The following PRKAG3 variants were observed in gnomAD, a reference collection of about 807,000 sequenced individuals.
PRKAG3 encodes 5'-AMP-activated protein kinase subunit gamma-3.
A neutral mutation model predicts 56.5 loss-of-function variants in PRKAG3; 39 were observed. The ratio of observed to expected loss-of-function variants is 0.69; its 90% CI spans 0.53 to 0.90. The LOEUF (loss-of-function observed/expected upper bound fraction) is 0.90, where lower values mean the gene tolerates loss of function less well. PRKAG3 is among the 40% of genes least tolerant of loss of function. The pLI is 0.00. For synonymous variants in PRKAG3, 243 were observed against 250.1 expected (o/e 0.97, Z 0.27); for missense variants, 628 against 627.5 (o/e 1.00, Z -0.01).
chr2:218,826,019 A>G (rs1439608601), intron 10 of PRKAG3, among the ~76,000 whole-genome samples: 1 of 152,120 alleles, frequency 6.6e-6, no homozygotes, highest in Non-Finnish European at 1.5e-5. Flanking sequence ...TTGGCCTCCC[A>G]AAGTGCTGGG....
chr2:218,825,527 A>G (rs1943919606), intron 10 of PRKAG3, among the ~76,000 whole-genome samples: 1 of 151,700 alleles, frequency 6.6e-6, no homozygotes, highest in East Asian at 1.9e-4. Context: ...ATTTGCCTGT[A>G]ATCCCAGCTA....
In PRKAG3 at chr2:218,827,198, GATCACCTGCCCAGGTCTCCC is replaced by G. The variant is rs773366295; in HGVS notation, c.1002+29_1002+48del. On this transcript the variant is annotated intron_variant, in intron 9 of 12. Coordinates refer to ENST00000529249, the Ensembl canonical transcript of PRKAG3. This position sits in a 1 kb window ranked among gnomAD's most constrained non-coding sequence, Gnocchi z 5.3. ...GGGCTGAAGACTCCTCAGGCCCTCT[GATCACCTGCCCAGGTCTCCC>G]CCTTCCTCCCACCTGGGCCCAGGCT... is the stretch of plus-strand genomic sequence containing the variant. 44 of 1,613,782 alleles carry G rather than the reference GATCACCTGCCCAGGTCTCCC, an allele frequency of 2.7e-5. No individual in the cohort carries two copies. Among genetic ancestry groups the G allele is most frequent in the South Asian group, 9.9e-5 (9 of 90,988 alleles).
exon 4 of PRKAG3, chr2:218,830,236 AGCTGAG>A (rs753389534): frequency 7.4e-6 from 12 of 1,613,926 alleles, no homozygotes; most frequent in Non-Finnish European, 1.0e-5. Context: ...TGGAGCCTGC[AGCTGAG>A]GCTGTACAGT....
At chr2:218,828,393 C>G (rs1000958374) in intron 5 of PRKAG3, 126 bp downstream of exon 5, 1 of 1,052,456 alleles carries the variant, frequency 9.5e-7, no homozygotes, top group Admixed American at 2.6e-5. Context: ...TTCCTCCACC[C>G]TGGCCCCTGG....
chr2:218,829,993 G>A lies in PRKAG3; in HGVS notation c.618C>T (p.Phe206=), dbSNP rs74519931. 1,055 of 1,613,598 alleles carry A rather than the reference G, an allele frequency of 6.5e-4. 3 individuals carry two copies. The African/African-American group carries it at 0.012, about 18-fold the overall frequency. ...GTGGCCTCACCTCCAGCATGGTGTC[G>A]AAGATGACTAGCTTGGAGCTAGTTG... is the stretch of plus-strand genomic sequence containing the variant. Residue 206 remains phenylalanine, a synonymous_variant, in exon 4 of 13, where the codon TTC becomes TTT. Transcript: ENST00000529249.
chr2:218,831,760 C>G lies in PRKAG3; in HGVS notation c.11G>C (p.Gly4Ala), dbSNP rs892871232. ...TACCCTGCGCAGTGCGTGCTCCAGC[C>G]CGGGCTCCATGTGGCCAGCCCCAGA... The change falls in exon 1 of 13, where the codon GGG becomes GCG. Residue 4 changes from glycine (G) to alanine (A), a missense_variant. Physicochemically the swap from Gly to Ala is moderately conservative, Grantham distance 60. Coordinates refer to ENST00000529249, the Ensembl canonical transcript of PRKAG3. 1.9e-6 allele frequency: 3 copies of G among 1,610,488 alleles called. No individual in the cohort carries two copies. The highest frequency in any genetic ancestry group is 2.7e-5 in the African/African-American group (2 of 74,932).
intron 2 of PRKAG3, 36 bp downstream of exon 2, chr2:218,831,300 A>T: frequency 6.6e-7 from 1 of 1,515,476 alleles, no homozygotes; most frequent in Non-Finnish European, 8.9e-7. Context: ...AGGTGGGGGA[A>T]GAGGTTAGGC....
At chr2:218,828,399 C>T (rs1943969102) in intron 5 of PRKAG3, 120 bp downstream of exon 5, 8 of 1,120,020 alleles carry the variant, frequency 7.1e-6, no homozygotes, top group Non-Finnish European at 1.0e-5. Context: ...CACCCTGGCC[C>T]CTGGCTGGGC....
chr2:218,824,543 A>G lies in PRKAG3; in HGVS notation c.1202T>C (p.Val401Ala), dbSNP rs771515558. Residue 401 changes from valine (V) to alanine (A), a missense_variant, in exon 11 of 13, where the codon GTG (valine) becomes GCG (alanine). Val to Ala is a moderately conservative substitution (Grantham distance 64). Coordinates refer to ENST00000529249, the Ensembl canonical transcript of PRKAG3. ...CACCTTTCCAGCGACACTTACAATCACATCAAAGCGGGAATAGAGGCCCAC... is the reference window on the plus strand; with the variant it reads ...CACCTTTCCAGCGACACTTACAATCGCATCAAAGCGGGAATAGAGGCCCAC... 2 of 1,612,594 alleles carry G rather than the reference A, an allele frequency of 1.2e-6. No homozygotes were observed. Among genetic ancestry groups the G allele is most frequent in the Non-Finnish European group, 1.7e-6 (2 of 1,178,792 alleles).
chr2:218,828,364 T>C (rs1485614948), intron 5 of PRKAG3, among the ~76,000 whole-genome samples, 155 bp downstream of exon 5: 2 of 152,088 alleles, frequency 1.3e-5, no homozygotes, highest in Non-Finnish European at 2.9e-5. Context: ...CAGCTGGCCA[T>C]GCAGACTCCG....
At position 218,827,095 on chromosome 2, in the gene PRKAG3, T is replaced by C. The variant is rs1333994513; in HGVS notation, c.1003-2A>G. ...GGAGGGCCGGGGCAGCAGGGAACCC[T>C]GGTTAGGATGGGGACCAGGTGGAGA... is the stretch of plus-strand genomic sequence containing the variant. On this transcript the variant is annotated splice_acceptor_variant, in intron 9 of 12. Coordinates refer to ENST00000529249, the Ensembl canonical transcript of PRKAG3. LOFTEE classifies it high-confidence loss of function. The surrounding 1 kb of genome is among the most constrained non-coding windows in gnomAD (Gnocchi z 5.3). 3 of 1,612,916 alleles carry C rather than the reference T, an allele frequency of 1.9e-6. No individual in the cohort carries two copies. Among genetic ancestry groups the C allele is most frequent in the Non-Finnish European group, 1.7e-6 (2 of 1,180,022 alleles).
exon 6 of PRKAG3, chr2:218,828,012 A>G (rs1178851863): frequency 6.4e-7 from 1 of 1,571,674 alleles, no homozygotes; most frequent in Non-Finnish European, 8.6e-7. Context: ...ACCAGGGGGG[A>G]CCTGTAGTAG....
Position 218,827,373 on chromosome 2 carries a change from G to C in PRKAG3, c.876C>G (p.Ser292Arg). ...TGAGGGTGTAGACAGCTTCAAACAG[G>C]CTGCAGAGATGGGAGCAGTGAGCCT... Residue 292 changes from serine (S) to arginine (R), a missense_variant and splice_region_variant, in exon 9 of 13, where the codon AGC (serine) becomes AGG (arginine). Coordinates refer to ENST00000529249, the Ensembl canonical transcript of PRKAG3. This position sits in a 1 kb window ranked among gnomAD's most constrained non-coding sequence, Gnocchi z 5.3. The C allele has an allele frequency of 6.2e-7, 1 of 1,614,106 alleles. No homozygotes were observed. Among genetic ancestry groups the C allele is most frequent in the Non-Finnish European group, 8.5e-7 (1 of 1,180,000 alleles).
rs1280466527 is a variant in PRKAG3, at chr2:218,831,472, TACACACGCTCAG to T, written c.34-109_34-98del. 4 of 1,177,322 alleles carry T rather than the reference TACACACGCTCAG, an allele frequency of 3.4e-6. No homozygotes were observed. In the African/African-American group the frequency reaches 4.6e-5, roughly 14 times the overall value. The allele number at this position is 1,177,322 out of a possible 1,614,324, so 72.9% of individuals were successfully genotyped here. A position where few individuals can be genotyped will look rare whatever the true frequency, so the allele number is the denominator to read the frequency against. On this transcript the variant is annotated intron_variant, in intron 1 of 12. Coordinates refer to ENST00000529249, the Ensembl canonical transcript of PRKAG3. ...ACGCCTACACACCCATGCACACCAA[TACACACGCTCAG>T]ACACACGCCATACACAGACATGCAG... is the stretch of plus-strand genomic sequence containing the variant.
exon 3 of PRKAG3, chr2:218,830,835 T>C (rs1944009970): frequency 6.2e-7 from 1 of 1,613,848 alleles, no homozygotes; most frequent in Middle Eastern, 1.7e-4. Context: ...ACGGATTCTT[T>C]CTGAGCTGCT....
chr2:218,831,191 G>T, intron 2 of PRKAG3, 145 bp downstream of exon 2: 1 of 725,500 alleles, frequency 1.4e-6, no homozygotes, highest in Non-Finnish European at 2.3e-6. Context: ...AAACACACCT[G>T]GGGAAAGGAG....
rs2105987385 is a variant in PRKAG3, at chr2:218,827,237, C to T, written c.1002+10G>A. ...GTCTCCCCCTTCCTCCCACCTGGGC[C>T]CAGGCTTACAAAGATGTGCAGGAAC... is the stretch of plus-strand genomic sequence containing the variant. On this transcript the variant is annotated intron_variant, in intron 9 of 12. Transcript: ENST00000529249. This position sits in a 1 kb window ranked among gnomAD's most constrained non-coding sequence, Gnocchi z 5.3. 1 of 1,614,104 alleles carries T rather than the reference C, an allele frequency of 6.2e-7. No individual in the cohort carries two copies. The highest frequency in any genetic ancestry group is 8.5e-7 in the Non-Finnish European group (1 of 1,180,010).
exon 13 of PRKAG3, chr2:218,823,795 G>A: frequency 6.2e-7 from 1 of 1,614,094 alleles, no homozygotes. Flanking sequence ...CAGCAGGGCT[G>A]AGCACCAGTG....
intron 10 of PRKAG3, among the ~76,000 whole-genome samples, chr2:218,825,631 G>A (rs1216849551): frequency 6.6e-6 from 1 of 152,094 alleles, no homozygotes; most frequent in African/African-American, 2.4e-5. Context: ...CTGAGTGACA[G>A]AGGGAGACTC....
Sources: allele counts gnomAD v4.1 joint callset (sites outside exome capture counted in the v4.1 genomes callset), GRCh38; gene constraint gnomAD v4.1.1; non-coding constraint Gnocchi (gnomAD v3.1); transcripts MANE v1.5; gene names NCBI Gene and HGNC (gene_info 2026-07-23, HGNC 2026-07-21).